Variants in MAP3K6 observed in about 807,000 individuals in gnomAD.
The protein encoded by MAP3K6 is mitogen-activated protein kinase kinase kinase 6.
A neutral mutation model predicts 147.1 loss-of-function variants in MAP3K6; 105 were observed. The ratio of observed to expected loss-of-function variants is 0.71; its 90% CI spans 0.61 to 0.84. MAP3K6 has a LOEUF of 0.84. Ranked by LOEUF, MAP3K6 falls within the 40% of genes least tolerant of loss-of-function variation. The pLI is 0.00. For missense variants in MAP3K6, 1,569 were observed against 1,715.0 expected, an observed-to-expected ratio of 0.91 and a Z score of 1.50; for synonymous variants, 695 against 732.4, an observed-to-expected ratio of 0.95 and a Z score of 0.82.
Position 27,361,411 on chromosome 1 carries a change from G to C in MAP3K6, c.1687-16C>G. ...AGGGAATGTCCTGCAAGAAGAAATG[G>C]GGTGTGATGGGGAGTGCTGGTGACA... is the stretch of plus-strand genomic sequence containing the variant. On this transcript the variant is annotated splice_polypyrimidine_tract_variant and intron_variant, in intron 11 of 28. Coordinates refer to ENST00000357582, the MANE Select transcript of MAP3K6 (RefSeq NM_004672.5). 6.2e-7 allele frequency: 1 copy of C among 1,613,406 alleles called. No homozygotes were observed. The highest frequency in any genetic ancestry group is 1.3e-5 in the African/African-American group (1 of 75,034).
rs548220944 is a variant in MAP3K6, at chr1:27,357,200, C to T, written c.3259-86G>A. ...TTGGAAAGGCCTAGAAAGTCTTCGGCGGGAGGCGAGTGGGGTGGGCGGGCT... is the reference window on the plus strand; with the variant it reads ...TTGGAAAGGCCTAGAAAGTCTTCGGTGGGAGGCGAGTGGGGTGGGCGGGCT... On this transcript the variant is annotated intron_variant, in intron 23 of 28. Coordinates refer to ENST00000357582, the MANE Select transcript of MAP3K6 (RefSeq NM_004672.5). 343 of 1,311,650 alleles carry T rather than the reference C, an allele frequency of 2.6e-4. 1 individual carries two copies. In the African/African-American group the frequency reaches 4.3e-3, roughly 17 times the overall value. The allele number at this position is 1,311,650 out of a possible 1,614,324, so 81.3% of individuals were successfully genotyped here. A position where few individuals can be genotyped will look rare whatever the true frequency, so the allele number is the denominator to read the frequency against.
In MAP3K6 at chr1:27,364,325, C is replaced by T; in HGVS notation, c.574G>A (p.Ala192Thr). 6.2e-7 allele frequency: 1 copy of T among 1,614,124 alleles called. No individual in the cohort carries two copies. The change falls in exon 4 of 29, where the codon GCA (alanine) becomes ACA (threonine). Residue 192 changes from alanine to threonine, a missense_variant. Coordinates refer to ENST00000357582, the MANE Select transcript of MAP3K6 (RefSeq NM_004672.5). This position sits in a 1 kb window ranked among gnomAD's most constrained non-coding sequence, Gnocchi z 4.4. ...TATGRVLCGD[A>T]GLLRGLADGL... Reference sequence around the variant, plus strand: ...TCAGCCAGGCCCCGCAGAAGGCCTGCATCACCACACAGCACCCGACCAGTG... The same window carrying T: ...TCAGCCAGGCCCCGCAGAAGGCCTGTATCACCACACAGCACCCGACCAGTG...
In MAP3K6 at chr1:27,360,311, G is replaced by A; in HGVS notation, c.2112C>T (p.Asn704=). ...IALHRRLRHK[N]IVRYLGSASQ... ...TAGCTGAGCCCAGATAGCGCACTAT[G>A]TTCTTGTGGCGCAGGCGTCTGTGAA... is the stretch of plus-strand genomic sequence containing the variant. The change falls in exon 16 of 29, where the codon AAC becomes AAT. Residue 704 remains asparagine, a synonymous_variant. Transcript: ENST00000357582. The surrounding 1 kb of genome is among the most constrained non-coding windows in gnomAD (Gnocchi z 4.5). 6.2e-7 allele frequency: 1 copy of A among 1,614,100 alleles called. No individual in the cohort carries two copies. The highest frequency in any genetic ancestry group is 1.1e-5 in the South Asian group (1 of 91,088).
Position 27,358,892 on chromosome 1 carries a change from G to A in MAP3K6, c.2426-26C>T. 6.5e-7 allele frequency: 1 copy of A among 1,538,644 alleles called. No individual in the cohort carries two copies. The highest frequency in any genetic ancestry group is 2.0e-5 in the Admixed American group (1 of 49,324). Reference sequence around the variant, plus strand: ...CTAGGACAGAAACAGGAGCACCAATGCCCATCTAGGCTTCATCATGGGGTT... The same window carrying A: ...CTAGGACAGAAACAGGAGCACCAATACCCATCTAGGCTTCATCATGGGGTT... On this transcript the variant is annotated intron_variant, in intron 18 of 28. Transcript: ENST00000357582. This position sits in a 1 kb window ranked among gnomAD's most constrained non-coding sequence, Gnocchi z 6.2.
chr1:27,361,017 G>C lies in MAP3K6; in HGVS notation c.1833-9C>G, dbSNP rs756935933. The C allele has an allele frequency of 3.2e-6, 5 of 1,579,798 alleles. No homozygotes were observed. Among genetic ancestry groups the C allele is most frequent in the Non-Finnish European group, 4.3e-6 (5 of 1,162,146 alleles). ...GGATCAGGCCGCAGAACCTGAAGGT[G>C]GGGGAGGTCAGACCCGCGGGAGGGG... On this transcript the variant is annotated splice_polypyrimidine_tract_variant and intron_variant, in intron 13 of 28. Coordinates refer to ENST00000357582, the MANE Select transcript of MAP3K6 (RefSeq NM_004672.5).
In MAP3K6 at chr1:27,360,104, G is replaced by T; in HGVS notation, c.2183-110C>A. ...TTGTAGCCCAACTCCATCACCCAGCGCCACTCCTCAGCTAATTCTAGGCTA... is the reference window on the plus strand; with the variant it reads ...TTGTAGCCCAACTCCATCACCCAGCTCCACTCCTCAGCTAATTCTAGGCTA... On this transcript the variant is annotated intron_variant, in intron 16 of 28. Transcript: ENST00000357582. The surrounding 1 kb of genome is among the most constrained non-coding windows in gnomAD (Gnocchi z 4.5). 4 of 1,576,432 alleles carry T rather than the reference G, an allele frequency of 2.5e-6. No individual in the cohort carries two copies. The Admixed American group carries it at 6.8e-5, about 27-fold the overall frequency.
rs760514584 is a variant in MAP3K6, at chr1:27,364,021, G to C, written c.760C>G (p.Gln254Glu). 1.4e-5 allele frequency: 22 copies of C among 1,612,558 alleles called. No individual in the cohort carries two copies. Among genetic ancestry groups the C allele is most frequent in the Middle Eastern group, 1.6e-4 (1 of 6,082 alleles). ...RQARERFSGPQLRQELARLQR... is the reference protein window; with the variant it reads ...RQARERFSGPELRQELARLQR... ...AGGCGAGCCAGCTCCTGCCGCAGCT[G>C]TGGCCCACTGAACCGCTCCCGCGCC... is the stretch of plus-strand genomic sequence containing the variant. Residue 254 changes from glutamine to glutamate, a missense_variant, in exon 5 of 29, where the codon CAG becomes GAG. Transcript: ENST00000357582. The surrounding 1 kb of genome is among the most constrained non-coding windows in gnomAD (Gnocchi z 4.4).
Position 27,366,183 on chromosome 1 carries a change from C to A in MAP3K6, c.340+75G>T, listed in dbSNP as rs180727085. On this transcript the variant is annotated intron_variant, in intron 1 of 28. Coordinates refer to ENST00000357582, the MANE Select transcript of MAP3K6 (RefSeq NM_004672.5). This position sits in a 1 kb window ranked among gnomAD's most constrained non-coding sequence, Gnocchi z 5.5. ...TACCCCTCTCGGCCCCTCCCTTGAGCCTTCGAGCCCGGCTTGGTCCCCTCC... is the reference window on the plus strand; with the variant it reads ...TACCCCTCTCGGCCCCTCCCTTGAGACTTCGAGCCCGGCTTGGTCCCCTCC... 550 of 1,249,778 alleles carry A rather than the reference C, an allele frequency of 4.4e-4. 2 individuals carry two copies. In the African/African-American group the frequency reaches 7.8e-3, roughly 18 times the overall value. The allele number at this position is 1,249,778 out of a possible 1,614,324, so 77.4% of individuals were successfully genotyped here.
Position 27,364,513 on chromosome 1 carries a change from G to T in MAP3K6, c.505-119C>A. 6.5e-7 allele frequency: 1 copy of T among 1,531,510 alleles called. No individual in the cohort carries two copies. The highest frequency in any genetic ancestry group is 9.0e-7 in the Non-Finnish European group (1 of 1,106,894). 94.9% of individuals were successfully genotyped at this position (1,531,510 alleles called of 1,614,324 possible). On this transcript the variant is annotated intron_variant, in intron 3 of 28. Transcript: ENST00000357582. The surrounding 1 kb of genome is among the most constrained non-coding windows in gnomAD (Gnocchi z 4.4). ...TTGGAATCGCAGGAAAGGGGCACCC[G>T]TCATGAGAGGAGGCAACAGGAAACA...
At position 27,366,654 on chromosome 1, in the gene MAP3K6, C is replaced by G. The variant is rs998204995; in HGVS notation, c.-57G>C. 2.9e-6 allele frequency: 3 copies of G among 1,049,886 alleles called. No individual in the cohort carries two copies. Among genetic ancestry groups the G allele is most frequent in the African/African-American group, 3.4e-5 (2 of 58,800 alleles). 65.0% of individuals were successfully genotyped at this position (1,049,886 alleles called of 1,614,324 possible). A position where few individuals can be genotyped will look rare whatever the true frequency, so the allele number is the denominator to read the frequency against. On this transcript the variant is annotated 5_prime_UTR_variant, in exon 1 of 29. Coordinates refer to ENST00000357582, the MANE Select transcript of MAP3K6 (RefSeq NM_004672.5). This position sits in a 1 kb window ranked among gnomAD's most constrained non-coding sequence, Gnocchi z 5.5. Reference sequence around the variant, plus strand: ...CTGGGAACCGGGGGCGGGGCAGGAGCCTGGGCCGGCAGATCAGGAATCTTG... The same window carrying G: ...CTGGGAACCGGGGGCGGGGCAGGAGGCTGGGCCGGCAGATCAGGAATCTTG...
intron 5 of MAP3K6, 82 bp from the exon 6 acceptor site, chr1:27,363,630 G>T: frequency 9.1e-7 from 1 of 1,096,874 alleles, no homozygotes; most frequent in Non-Finnish European, 1.3e-6. Context: ...TCCCACTCCT[G>T]ACATCCCACC....
rs1448751958 is a variant in MAP3K6 at position 27,360,251 on chromosome 1, T to A, written c.2172A>T (p.Glu724Asp). 6.2e-7 allele frequency: 1 copy of A among 1,613,904 alleles called. No homozygotes were observed. The highest frequency in any genetic ancestry group is 1.3e-5 in the African/African-American group (1 of 74,920). ...QGGYLKIFME[E>D]VPGGSLSSLL... ...ACACAGGGCAGGTACCTCCAGGCACTTCCTCCATGAAGATCTTAAGGTAGC... is the reference window on the plus strand; with the variant it reads ...ACACAGGGCAGGTACCTCCAGGCACATCCTCCATGAAGATCTTAAGGTAGC... Residue 724 changes from glutamate to aspartate, a missense_variant, in exon 16 of 29, where the codon GAA becomes GAT. By Grantham distance (45) the Glu-to-Asp change is conservative. Transcript: ENST00000357582. The surrounding 1 kb of genome is among the most constrained non-coding windows in gnomAD (Gnocchi z 4.5).
At chr1:27,362,318 G>A (rs1011938294) in intron 8 of MAP3K6, 68 bp from the exon 9 acceptor site, 18 of 1,491,780 alleles carry the variant, frequency 1.2e-5, no homozygotes, top group Non-Finnish European at 1.6e-5. Flanking sequence ...CCATTTCTGT[G>A]GGCCCGAGTG....
In MAP3K6 at chr1:27,363,928, G is replaced by A. The variant is rs371513345; in HGVS notation, c.853C>T (p.Arg285Cys). The A allele has an allele frequency of 2.3e-5, 37 of 1,596,936 alleles. No homozygotes were observed. Among genetic ancestry groups the A allele is most frequent in the Non-Finnish European group, 3.1e-5 (36 of 1,173,408 alleles). Reference sequence around the variant, plus strand: ...TGAACACCACGCACCTGCACATCGCGGTAGGAGAGCAGCAAGTTCATGATG... The same window carrying A: ...TGAACACCACGCACCTGCACATCGCAGTAGGAGAGCAGCAAGTTCATGATG... ...DIIMNLLLSY[R>C]DVQDYSAIIE... is the part of the protein sequence containing the mutation. Residue 285 changes from arginine (R) to cysteine (C), a missense_variant, in exon 5 of 29, where the codon CGC (arginine) becomes TGC (cysteine). Physicochemically the swap from Arg to Cys is radical, Grantham distance 180. Coordinates refer to ENST00000357582, the MANE Select transcript of MAP3K6 (RefSeq NM_004672.5).
Position 27,359,877 on chromosome 1 carries a change from A to G in MAP3K6, c.2300T>C (p.Ile767Thr). 1 of 1,614,074 alleles carries G rather than the reference A, an allele frequency of 6.2e-7. No homozygotes were observed. Among genetic ancestry groups the G allele is most frequent in the Admixed American group, 1.7e-5 (1 of 60,020 alleles). Residue 767 changes from isoleucine (I) to threonine (T), a missense_variant, in exon 17 of 29, where the codon ATC (isoleucine) becomes ACC (threonine). By Grantham distance (89) the Ile-to-Thr change is moderately conservative. Coordinates refer to ENST00000357582, the MANE Select transcript of MAP3K6 (RefSeq NM_004672.5). The surrounding 1 kb of genome is among the most constrained non-coding windows in gnomAD (Gnocchi z 4.4). Reference sequence around the variant, plus strand: ...GCTTACTTTTATGTCCCTGTGCACGATGTGGTTGTCGTGCAAGTAGCCAAG... The same window carrying G: ...GCTTACTTTTATGTCCCTGTGCACGGTGTGGTTGTCGTGCAAGTAGCCAAG... Reference protein sequence around the residue: ...QGLGYLHDNHIVHRDIKGDNV... With the variant: ...QGLGYLHDNHTVHRDIKGDNV...
Position 27,364,758 on chromosome 1 carries a change from C to T in MAP3K6, c.480+15G>A. ...CCAGCCCTGTGCCTGCCTCCACCAG[C>T]CCCAGGCCACCTACCCGCAGGGCCT... is the stretch of plus-strand genomic sequence containing the variant. On this transcript the variant is annotated intron_variant, in intron 2 of 28. Coordinates refer to ENST00000357582, the MANE Select transcript of MAP3K6 (RefSeq NM_004672.5). The surrounding 1 kb of genome is among the most constrained non-coding windows in gnomAD (Gnocchi z 4.4). 2.5e-6 allele frequency: 4 copies of T among 1,613,838 alleles called. No individual in the cohort carries two copies. Among genetic ancestry groups the T allele is most frequent in the Non-Finnish European group, 3.4e-6 (4 of 1,179,728 alleles).
At position 27,358,917 on chromosome 1, in the gene MAP3K6, T is replaced by G. The variant is rs1421779383; in HGVS notation, c.2426-51A>C. 7.9e-6 allele frequency: 12 copies of G among 1,522,492 alleles called. No homozygotes were observed. The East Asian group carries it at 1.8e-4, about 23-fold the overall frequency. The allele number at this position is 1,522,492 out of a possible 1,614,324, so 94.3% of individuals were successfully genotyped here. On this transcript the variant is annotated intron_variant, in intron 18 of 28. Transcript: ENST00000357582. This position sits in a 1 kb window ranked among gnomAD's most constrained non-coding sequence, Gnocchi z 6.2. ...GCCCATCTAGGCTTCATCATGGGGT[T>G]GGAGCAGGGAGGGGAATGCCGTCAT... is the stretch of plus-strand genomic sequence containing the variant.
Position 27,366,736 on chromosome 1 carries a change from T to A in MAP3K6, c.-139A>T. On this transcript the variant is annotated 5_prime_UTR_variant, in exon 1 of 29. Transcript: ENST00000357582. The surrounding 1 kb of genome is among the most constrained non-coding windows in gnomAD (Gnocchi z 5.5). ...TCCCACGGGATCTAGGGATCCGGAA[T>A]ACGGCCTGACGTCCCGTTCCAGGAA... 1.7e-6 allele frequency: 1 copy of A among 583,484 alleles called. No homozygotes were observed. Among genetic ancestry groups the A allele is most frequent in the Non-Finnish European group, 2.2e-6 (1 of 459,140 alleles). The allele number at this position is 583,484 out of a possible 1,614,324, so 36.1% of individuals were successfully genotyped here.
At chr1:27,355,553 CT>C in intron 28 of MAP3K6, 84 bp from the exon 29 acceptor site, 1 of 1,572,362 alleles carries the variant, frequency 6.4e-7, no homozygotes, top group Non-Finnish European at 8.7e-7. Flanking sequence ...AGTGCCCCCT[CT>C]GTCCCTAGGG....
Sources: allele counts gnomAD v4.1 joint callset, GRCh38; gene constraint gnomAD v4.1.1; non-coding constraint Gnocchi (gnomAD v3.1); transcripts MANE v1.5; gene names NCBI Gene and HGNC (gene_info 2026-07-23, HGNC 2026-07-21).